The following KIAA1958 variants were observed in gnomAD, a reference collection of about 807,000 sequenced individuals.
KIAA1958 encodes KIAA1958.
A neutral mutation model predicts 47.2 loss-of-function variants in KIAA1958; 14 were observed. The observed-to-expected ratio is 0.30, with a 90% CI of 0.20 to 0.46. KIAA1958 has a LOEUF of 0.46. KIAA1958 is among the 20% of genes least tolerant of loss of function. KIAA1958 has a pLI of 1.00. For missense variants in KIAA1958, 803 were observed against 909.2 expected, an observed-to-expected ratio of 0.88 and a Z score of 1.50; for synonymous variants, 354 against 353.3, an observed-to-expected ratio of 1.00 and a Z score of -0.02.
At chr9:112,659,041 A>AG (rs1554732115) in intron 3 of KIAA1958, among the ~76,000 whole-genome samples, 18 of 135,580 alleles carry the variant, frequency 1.3e-4, no homozygotes, top group Non-Finnish European at 1.8e-4. Flanking sequence ...AAAAAAAAAA[A>AG]AAAGAAAGAA....
chr9:112,632,749 A>G (rs1255207534), intron 2 of KIAA1958, among the ~76,000 whole-genome samples: 1 of 151,812 alleles, frequency 6.6e-6, no homozygotes, highest in African/African-American at 2.4e-5. Flanking sequence ...TTCTCCAGTT[A>G]TGTTTATTGT....
intron 1 of KIAA1958, among the ~76,000 whole-genome samples, chr9:112,562,545 T>G (rs1835352017): frequency 6.6e-6 from 1 of 152,214 alleles, no homozygotes; most frequent in African/African-American, 2.4e-5. Context: ...GTTGAGATTC[T>G]AGAAAGCCTA....
chr9:112,660,000 T>C lies in KIAA1958; in HGVS notation c.2082T>C (p.Cys694=). Residue 694 remains cysteine (C), a synonymous_variant, in exon 4 of 4, where the codon TGT becomes TGC. Coordinates refer to ENST00000337530, the MANE Select transcript of KIAA1958 (RefSeq NM_133465.4). ...NLAKKVKLEN[C]ENFTFVSFTQ... is the part of the protein sequence containing the mutation. ...CCAAGAAGGTCAAGCTGGAAAACTG[T>C]GAGAACTTCACCTTTGTCTCGTTCA... is the stretch of plus-strand genomic sequence containing the variant. The C allele has an allele frequency of 6.2e-7, 1 of 1,614,160 alleles. No individual in the cohort carries two copies.
intron 2 of KIAA1958, among the ~76,000 whole-genome samples, chr9:112,586,498 C>T (rs1835824676): frequency 1.3e-5 from 2 of 151,992 alleles, no homozygotes; most frequent in Admixed American, 6.6e-5. Context: ...GTTTCAATAG[C>T]TTTTTAAAAT....
At chr9:112,521,117 C>A (rs547300576) in intron 1 of KIAA1958, among the ~76,000 whole-genome samples, 208 of 152,212 alleles carry the variant, frequency 1.4e-3, no homozygotes, top group African/African-American at 4.7e-3. Context: ...GCATGTAAGA[C>A]AATCCGTCTT....
chr9:112,504,804 A>G (rs1337113345), intron 1 of KIAA1958, among the ~76,000 whole-genome samples: 2 of 152,200 alleles, frequency 1.3e-5, no homozygotes, highest in African/African-American at 2.4e-5. Context: ...ATATGTATAT[A>G]TGTGTAGATG....
intron 1 of KIAA1958, among the ~76,000 whole-genome samples, chr9:112,516,242 G>C (rs1834431827): frequency 6.6e-6 from 1 of 150,392 alleles, no homozygotes; most frequent in Admixed American, 6.6e-5. Context: ...CTAGGAGCTG[G>C]AGACAAGCCT....
chr9:112,580,412 A>G (rs148583562), intron 2 of KIAA1958, among the ~76,000 whole-genome samples: 3 of 152,054 alleles, frequency 2.0e-5, no homozygotes, highest in Non-Finnish European at 4.4e-5. Context: ...ATACATACAT[A>G]TATATGTATA....
At chr9:112,615,398 T>A (rs1465267355) in intron 2 of KIAA1958, among the ~76,000 whole-genome samples, 1 of 135,908 alleles carries the variant, frequency 7.4e-6, no homozygotes, top group Non-Finnish European at 1.5e-5. Flanking sequence ...CCAGCCTGGG[T>A]GACAGAGCAA....
In KIAA1958 at chr9:112,662,462, A is replaced by ACACACACACACACG. The variant is rs1425795138; in HGVS notation, c.*2398_*2399insACACACACGCACAC. The stretch of plus-strand genomic sequence containing the variant: ...CACATATACATAAGTGTTTACACAC[A>ACACACACACACACG]CACACGCACAATATGTGGTTAAGCC... On this transcript the variant is annotated 3_prime_UTR_variant, in exon 4 of 4. Coordinates refer to ENST00000337530, the MANE Select transcript of KIAA1958 (RefSeq NM_133465.4). 2.0e-5 allele frequency: 3 copies of ACACACACACACACG among 151,464 alleles called. No individual in the cohort carries two copies. The highest frequency in any genetic ancestry group is 7.3e-5 in the African/African-American group (3 of 40,880). 9.4% of individuals were successfully genotyped at this position (151,464 alleles called of 1,614,324 possible).
intron 2 of KIAA1958, among the ~76,000 whole-genome samples, chr9:112,634,089 C>A (rs1836757509): frequency 6.6e-6 from 1 of 152,160 alleles, no homozygotes; most frequent in Admixed American, 6.5e-5. Context: ...ATGCTTGTAC[C>A]AACTTAGCAA....
At chr9:112,622,204 A>C (rs907752949) in intron 2 of KIAA1958, among the ~76,000 whole-genome samples, 1 of 152,250 alleles carries the variant, frequency 6.6e-6, no homozygotes, top group African/African-American at 2.4e-5. Flanking sequence ...TTTAGCAAAA[A>C]ATCAACAGTC....
At chr9:112,563,628 G>A (rs562646528) in intron 1 of KIAA1958, among the ~76,000 whole-genome samples, 1 of 151,656 alleles carries the variant, frequency 6.6e-6, no homozygotes, top group Non-Finnish European at 1.5e-5. Context: ...TGAATTCTCG[G>A]TGATTTCTGC....
intron 1 of KIAA1958, among the ~76,000 whole-genome samples, chr9:112,559,791 TTACTA>T (rs1441708690): frequency 1.3e-5 from 2 of 152,240 alleles, no homozygotes; most frequent in African/African-American, 4.8e-5. Flanking sequence ...GATTTTCTAT[TTACTA>T]TACTTCTTTG....
rs1010486560 is a variant in KIAA1958, at chr9:112,645,773, G to A, written c.1295G>A (p.Arg432His). 24 of 1,614,078 alleles carry A rather than the reference G, an allele frequency of 1.5e-5. No individual in the cohort carries two copies. The highest frequency in any genetic ancestry group is 8.9e-5 in the East Asian group (4 of 44,874). Residue 432 changes from arginine to histidine, a missense_variant, in exon 3 of 4, where the codon CGT (arginine) becomes CAT (histidine). Coordinates refer to ENST00000337530, the MANE Select transcript of KIAA1958 (RefSeq NM_133465.4). Reference sequence around the variant, plus strand: ...ACGCGGTACGCCTTGAATGTGTGGCGTTATTGGTGCATGACCAACGGGCTC... The same window carrying A: ...ACGCGGTACGCCTTGAATGTGTGGCATTATTGGTGCATGACCAACGGGCTC... ...KATRYALNVW[R>H]YWCMTNGLKD... is the part of the protein sequence containing the mutation.
chr9:112,567,753 T>G (rs1248603117), intron 1 of KIAA1958, among the ~76,000 whole-genome samples: 1 of 151,710 alleles, frequency 6.6e-6, no homozygotes, highest in African/African-American at 2.4e-5. Context: ...GGTCAGGAGA[T>G]TGAGACCATC....
chr9:112,614,667 G>A (rs1024406365), intron 2 of KIAA1958, among the ~76,000 whole-genome samples: 2 of 152,170 alleles, frequency 1.3e-5, no homozygotes, highest in Admixed American at 6.5e-5. Flanking sequence ...TATTAGGAAA[G>A]GATATGACAG....
intron 1 of KIAA1958, among the ~76,000 whole-genome samples, chr9:112,530,782 A>G (rs1009517233): frequency 2.6e-5 from 4 of 152,208 alleles, no homozygotes; most frequent in Admixed American, 2.6e-4. Flanking sequence ...GTGATTATAT[A>G]TTCTGAGTGG....
chr9:112,584,158 G>C (rs889140140), intron 2 of KIAA1958, among the ~76,000 whole-genome samples: 1 of 152,148 alleles, frequency 6.6e-6, no homozygotes, highest in Non-Finnish European at 1.5e-5. Context: ...ACACACAACA[G>C]CCTGGATTCA....
Sources: allele counts gnomAD v4.1 joint callset (sites outside exome capture counted in the v4.1 genomes callset), GRCh38; gene constraint gnomAD v4.1.1; transcripts MANE v1.5; gene names NCBI Gene and HGNC (gene_info 2026-07-23, HGNC 2026-07-21).